PRDM11: variants seen among roughly 807,000 people sequenced by gnomAD.
PRDM11 encodes the protein PR/SET domain 11.
In PRDM11, 20 loss-of-function variants were observed where a neutral mutation model predicts 97.8. The observed-to-expected ratio is 0.20, with a 90% confidence interval of 0.14 to 0.30. The LOEUF (loss-of-function observed/expected upper bound fraction) is 0.30. Among genes scored for constraint, PRDM11 ranks in the 10% least tolerant of loss-of-function variants. The pLI is 1.00. For missense variants in PRDM11, 1,139 were observed against 1,555.2 expected (o/e 0.73, Z 4.50); for synonymous variants, 599 against 637.7 (o/e 0.94, Z 0.91).
At chr11:45,185,753 C>G (rs1258780952) in intron 4 of PRDM11, among the ~76,000 whole-genome samples, 1 of 152,110 alleles carries the variant, frequency 6.6e-6, no homozygotes, top group East Asian at 1.9e-4. Context: ...CATAATGTCC[C>G]CCCAAAAATG....
chr11:45,096,581 C>G (rs542670478), intron 1 of PRDM11, among the ~76,000 whole-genome samples: 1 of 152,068 alleles, frequency 6.6e-6, no homozygotes, highest in East Asian at 1.9e-4. Context: ...CCAGGCTCTC[C>G]GAAGATAAAA....
chr11:45,150,540 G>C (rs1204411114), intron 1 of PRDM11, among the ~76,000 whole-genome samples: 1 of 152,186 alleles, frequency 6.6e-6, no homozygotes, highest in African/African-American at 2.4e-5. Flanking sequence ...CGGGCTGGTG[G>C]GTCCAGCTGG....
intron 1 of PRDM11, among the ~76,000 whole-genome samples, chr11:45,139,114 CAAT>C (rs1438565339): frequency 5.9e-5 from 9 of 152,124 alleles, no homozygotes; most frequent in African/African-American, 1.4e-4. Flanking sequence ...TTTAAAACAA[CAAT>C]GAGATACATC....
chr11:45,105,909 G>A (rs1170224610), intron 1 of PRDM11, among the ~76,000 whole-genome samples: 3 of 152,214 alleles, frequency 2.0e-5, no homozygotes, highest in Non-Finnish European at 2.9e-5. Context: ...ACACATCTCT[G>A]AGACCATGAA....
chr11:45,157,774 C>G (rs1803401493), intron 1 of PRDM11, among the ~76,000 whole-genome samples: 1 of 152,210 alleles, frequency 6.6e-6, no homozygotes, highest in Admixed American at 6.5e-5. Context: ...TGGCAGAACT[C>G]TCTTGTCCAC....
At chr11:45,118,866 G>C (rs1268957951) in intron 1 of PRDM11, among the ~76,000 whole-genome samples, 2 of 152,300 alleles carry the variant, frequency 1.3e-5, no homozygotes, top group South Asian at 2.1e-4. Flanking sequence ...AATTAGGAAA[G>C]AAGAAAAAAT....
At chr11:45,118,700 A>G (rs937507997) in intron 1 of PRDM11, among the ~76,000 whole-genome samples, 9 of 152,232 alleles carry the variant, frequency 5.9e-5, no homozygotes, top group African/African-American at 2.2e-4. Context: ...CATATGATAA[A>G]TGAAATCTAT....
intron 1 of PRDM11, among the ~76,000 whole-genome samples, chr11:45,159,548 T>G (rs1189468530): frequency 6.6e-6 from 1 of 152,192 alleles, no homozygotes; most frequent in African/African-American, 2.4e-5. Context: ...CAAGGTCTTG[T>G]GGGACATCAG....
upstream of PRDM11, among the ~76,000 whole-genome samples, chr11:45,143,035 A>G (rs550561157): frequency 6.0e-4 from 92 of 152,344 alleles, no homozygotes; most frequent in African/African-American, 2.0e-3. Context: ...GCTTCCTGGC[A>G]ACCCGTGCAA....
At chr11:45,102,562 A>G (rs1851996056) in intron 1 of PRDM11, among the ~76,000 whole-genome samples, 1 of 151,954 alleles carries the variant, frequency 6.6e-6, no homozygotes. Context: ...CTTCTGTGGG[A>G]GCCTCCTTCA....
At chr11:45,159,286 C>G (rs1036567181) in intron 1 of PRDM11, among the ~76,000 whole-genome samples, 1 of 152,232 alleles carries the variant, frequency 6.6e-6, no homozygotes, top group African/African-American at 2.4e-5. Flanking sequence ...TGGCCTCCTT[C>G]CTGGCTGCCC....
At chr11:45,167,625 A>G (rs1359565366) in intron 1 of PRDM11, among the ~76,000 whole-genome samples, 1 of 152,152 alleles carries the variant, frequency 6.6e-6, no homozygotes, top group East Asian at 1.9e-4. Context: ...TCCTTGACCA[A>G]CTTAATTACC....
At chr11:45,164,185 G>A (rs530443982) in intron 1 of PRDM11, among the ~76,000 whole-genome samples, 14 of 152,302 alleles carry the variant, frequency 9.2e-5, no homozygotes, top group Non-Finnish European at 1.6e-4. Context: ...GCGGGTCCCC[G>A]GTGGAGTGTA....
In PRDM11 at chr11:45,228,219, G is replaced by T; in HGVS notation, c.*60G>T. The T allele has an allele frequency of 1.2e-6, 1 of 850,626 alleles. No homozygotes were observed. Among genetic ancestry groups the T allele is most frequent in the Non-Finnish European group, 1.5e-6 (1 of 654,088 alleles). The allele number at this position is 850,626 out of a possible 1,614,324, so 52.7% of individuals were successfully genotyped here. On this transcript the variant is annotated 3_prime_UTR_variant, in exon 8 of 8. Transcript: ENST00000683152. ...ATATTTTTTTAATCTATACTCATAA[G>T]CTTTGATATATTATATAAATATATA...
Position 45,224,351 on chromosome 11 carries a change from C to T in PRDM11, c.877C>T (p.His293Tyr). 6.2e-7 allele frequency: 1 copy of T among 1,614,134 alleles called. No individual in the cohort carries two copies. The highest frequency in any genetic ancestry group is 8.5e-7 in the Non-Finnish European group (1 of 1,180,030). Residue 293 changes from histidine to tyrosine, a missense_variant, in exon 7 of 8, where the codon CAC (histidine) becomes TAC (tyrosine). Coordinates refer to ENST00000683152, the MANE Select transcript of PRDM11 (RefSeq NM_001384648.1). Reference sequence around the variant, plus strand: ...GCGTGGCTTTGATGAGGGGGATGTACACCCCCAAGCTAAGAAGAAGAAAAT... The same window carrying T: ...GCGTGGCTTTGATGAGGGGGATGTATACCCCCAAGCTAAGAAGAAGAAAAT... ...YKRGFDEGDV[H>Y]PQAKKKKIDL... is the part of the protein sequence containing the mutation.
intron 5 of PRDM11, among the ~76,000 whole-genome samples, chr11:45,210,353 C>A (rs1213670918): frequency 6.6e-6 from 1 of 152,220 alleles, no homozygotes; most frequent in Non-Finnish European, 1.5e-5. Context: ...AGGGCCCCAG[C>A]GGCCGAGGCG....
intron 1 of PRDM11, among the ~76,000 whole-genome samples, chr11:45,096,070 C>T (rs1248089604): frequency 6.6e-6 from 1 of 152,244 alleles, no homozygotes; most frequent in Non-Finnish European, 1.5e-5. Context: ...CCCTCCACTC[C>T]TTCTCACTGT....
intron 1 of PRDM11, among the ~76,000 whole-genome samples, chr11:45,153,026 T>C (rs1234110774): frequency 1.3e-5 from 2 of 152,056 alleles, no homozygotes; most frequent in Non-Finnish European, 2.9e-5. Context: ...GAGGCTTTCG[T>C]AGTAATTGAG....
chr11:45,205,771 T>C (rs1183910980), intron 5 of PRDM11, among the ~76,000 whole-genome samples: 2 of 152,196 alleles, frequency 1.3e-5, no homozygotes, highest in African/African-American at 4.8e-5. Context: ...GTAGAGTATG[T>C]GATGAGGGCT....
Sources: allele counts gnomAD v4.1 joint callset (sites outside exome capture counted in the v4.1 genomes callset), GRCh38; gene constraint gnomAD v4.1.1; transcripts MANE v1.5; gene names NCBI Gene and HGNC (gene_info 2026-07-23, HGNC 2026-07-21).